The following SEC14L5 variants were observed in gnomAD, a reference collection of about 807,000 sequenced individuals.
The protein encoded by SEC14L5 is SEC14-like protein 5.
SEC14L5 carries 96 observed loss-of-function variants against 84.6 expected under a neutral mutation model. That is an observed-to-expected ratio of 1.13 (90% CI 0.96 to 1.34). SEC14L5 has a LOEUF of 1.34. Ranked by LOEUF, SEC14L5 falls within the 40% of genes most tolerant of loss-of-function variation. SEC14L5 has a pLI of 0.00. For missense variants in SEC14L5, 1,224 were observed against 942.5 expected (o/e 1.30, Z -3.91); for synonymous variants, 546 against 383.4 (o/e 1.42, Z -4.95).
intron 15 of SEC14L5, among the ~76,000 whole-genome samples, chr16:5,012,731 C>T (rs1375007187): frequency 6.6e-6 from 1 of 151,754 alleles, no homozygotes; most frequent in East Asian, 1.9e-4. Flanking sequence ...ATGGCGAAAC[C>T]CCGTCTTTAC....
chr16:5,003,468 G>A lies in SEC14L5; in HGVS notation c.1197G>A (p.Lys399=), dbSNP rs771132351. 2.4e-5 allele frequency: 39 copies of A among 1,613,204 alleles called. No individual in the cohort carries two copies. The highest frequency in any genetic ancestry group is 3.3e-5 in the South Asian group (3 of 91,084). The change falls in exon 11 of 16, where the codon AAG becomes AAA. Residue 399 remains lysine (K), a synonymous_variant. Coordinates refer to ENST00000251170, the MANE Select transcript of SEC14L5 (RefSeq NM_014692.2). ...GGCACCTGTGGCGGCCGGGGGTGAA[G>A]GCCCTGCTGCGGATGATTGAGGTGG... ...NMRHLWRPGV[K]ALLRMIEVVE...
At chr16:4,968,664 T>C (rs934455994) in intron 2 of SEC14L5, among the ~76,000 whole-genome samples, 2 of 152,180 alleles carry the variant, frequency 1.3e-5, no homozygotes, top group African/African-American at 4.8e-5. Flanking sequence ...AGCAGTACTG[T>C]GGCTTTAGGA....
At chr16:4,994,402 G>T (rs559183327) in intron 6 of SEC14L5, among the ~76,000 whole-genome samples, 11 of 152,124 alleles carry the variant, frequency 7.2e-5, no homozygotes, top group Admixed American at 3.3e-4. Flanking sequence ...GGAGTGCAGT[G>T]GTGTGATCTC....
chr16:4,959,589 G>T (rs982327275), intron 2 of SEC14L5, among the ~76,000 whole-genome samples: 1 of 152,104 alleles, frequency 6.6e-6, no homozygotes, highest in Non-Finnish European at 1.5e-5. Context: ...AAAACACAAA[G>T]TCTTTCTTCC....
intron 2 of SEC14L5, among the ~76,000 whole-genome samples, chr16:4,973,933 TG>T (rs1955309051): frequency 1.3e-5 from 2 of 151,956 alleles, no homozygotes; most frequent in Admixed American, 1.3e-4. Flanking sequence ...ATCTGCCCCC[TG>T]AGGCCTCCCA....
chr16:4,987,242 T>C (rs1244721431), intron 2 of SEC14L5, among the ~76,000 whole-genome samples: 7 of 151,712 alleles, frequency 4.6e-5, no homozygotes, highest in Admixed American at 4.6e-4. Context: ...TGGATTTTTC[T>C]CAAATGCTTT....
chr16:5,006,321 A>T (rs1164354542), intron 12 of SEC14L5, among the ~76,000 whole-genome samples: 1 of 152,234 alleles, frequency 6.6e-6, no homozygotes, highest in Non-Finnish European at 1.5e-5. Context: ...CCTAAAGATT[A>T]GGCCAGTCAA....
chr16:4,976,377 A>G (rs766524732), intron 2 of SEC14L5, among the ~76,000 whole-genome samples: 2 of 152,200 alleles, frequency 1.3e-5, no homozygotes, highest in Admixed American at 1.3e-4. Flanking sequence ...GTAAATGTCT[A>G]TTGAGTGTGG....
rs1283756475 is a variant in SEC14L5 at position 5,007,634 on chromosome 16, C to CT, written c.1572+149dup. 2.1e-4 allele frequency: 150 copies of CT among 710,554 alleles called. No individual in the cohort carries two copies. In the African/African-American group the frequency reaches 2.7e-3, roughly 13 times the overall value. 44.0% of individuals were successfully genotyped at this position (710,554 alleles called of 1,614,324 possible). ...TTTTTTTTTTTTTTTGGGATGGAGT[C>CT]TCGCTCTGTTGCCCAGGCTGGAGTG... is the stretch of plus-strand genomic sequence containing the variant. On this transcript the variant is annotated intron_variant, in intron 13 of 15. Coordinates refer to ENST00000251170, the MANE Select transcript of SEC14L5 (RefSeq NM_014692.2).
chr16:5,010,256 C>T (rs922768386), intron 14 of SEC14L5, among the ~76,000 whole-genome samples: 8 of 144,794 alleles, frequency 5.5e-5, no homozygotes, highest in South Asian at 4.5e-4. Flanking sequence ...CCCAGCTACT[C>T]GGGAGGCTAA....
chr16:4,970,885 G>A (rs1955268099), intron 2 of SEC14L5, among the ~76,000 whole-genome samples: 4 of 152,160 alleles, frequency 2.6e-5, no homozygotes, highest in African/African-American at 9.7e-5. Flanking sequence ...CGAGGCGGGT[G>A]GATCACGAGG....
chr16:4,966,822 C>T (rs1955206122), intron 2 of SEC14L5, among the ~76,000 whole-genome samples: 2 of 152,194 alleles, frequency 1.3e-5, no homozygotes, highest in South Asian at 4.1e-4. Context: ...GGCGTCTGGG[C>T]CAAGTGCATG....
chr16:4,998,804 C>T (rs570563037), intron 8 of SEC14L5, among the ~76,000 whole-genome samples: 38 of 150,498 alleles, frequency 2.5e-4, no homozygotes, highest in African/African-American at 7.3e-4. Flanking sequence ...AAACGCTTGA[C>T]TCTCCTAAAG....
chr16:4,996,088 C>T (rs115581253), intron 6 of SEC14L5, among the ~76,000 whole-genome samples: 1,747 of 152,182 alleles, frequency 0.011, 27 homozygotes, highest in African/African-American at 0.04. Context: ...CTTCAATTCC[C>T]AGGGTCAAAG....
chr16:4,989,283 T>TAG (rs1336855408), intron 4 of SEC14L5, among the ~76,000 whole-genome samples: 2 of 151,716 alleles, frequency 1.3e-5, no homozygotes, highest in African/African-American at 4.8e-5. Flanking sequence ...ATAGCAATGG[T>TAG]AGACCATTGT....
At chr16:5,008,098 T>C (rs989197658) in intron 13 of SEC14L5, among the ~76,000 whole-genome samples, 2 of 151,652 alleles carry the variant, frequency 1.3e-5, no homozygotes, top group African/African-American at 4.8e-5. Flanking sequence ...GTATTTTTAG[T>C]AGAGATGGGG....
chr16:4,975,737 C>T (rs1328479065), intron 2 of SEC14L5, among the ~76,000 whole-genome samples: 3 of 152,138 alleles, frequency 2.0e-5, no homozygotes, highest in East Asian at 3.9e-4. Flanking sequence ...AGATTGATAT[C>T]ACATCTGTGC....
chr16:5,001,746 G>C (rs1358725124), intron 10 of SEC14L5, among the ~76,000 whole-genome samples: 1 of 151,924 alleles, frequency 6.6e-6, no homozygotes, highest in Non-Finnish European at 1.5e-5. Flanking sequence ...AAACCTTTCT[G>C]AGCAGCAGCT....
At position 4,985,763 on chromosome 16, in the gene SEC14L5, A is replaced by G. The variant is rs548804201; in HGVS notation, c.64-1794A>G. Among the ~76,000 whole-genome samples the G allele has an allele frequency of 2.0e-3, 299 of 150,542 alleles. 2 individuals are homozygous for G. The highest frequency in any genetic ancestry group is 6.6e-3 in the African/African-American group (273 of 41,242). On this transcript the variant is annotated intron_variant, in intron 2 of 15. Transcript: ENST00000251170. ...GATATATCTATATATTTATAGATAC[A>G]ATATATATTTATATACATACTATCT...
Sources: allele counts gnomAD v4.1 joint callset (sites outside exome capture counted in the v4.1 genomes callset), GRCh38; gene constraint gnomAD v4.1.1; transcripts MANE v1.5; gene names NCBI Gene and HGNC (gene_info 2026-07-23, HGNC 2026-07-21).